Variants in FUT8 observed in about 807,000 individuals in gnomAD.
FUT8 encodes the protein fucosyltransferase 8, also known as alpha-(1,6)-fucosyltransferase.
Under a neutral mutation model 71.3 loss-of-function variants are expected in FUT8, and 29 were observed. The observed-to-expected ratio is 0.41, with a 90% CI of 0.30 to 0.55. The LOEUF (loss-of-function observed/expected upper bound fraction) is 0.55, where lower values mean the gene tolerates loss of function less well. FUT8 is among the 20% of genes least tolerant of loss of function. The pLI, the probability that FUT8 is intolerant of heterozygous loss-of-function variation, is 0.34. For synonymous variants in FUT8, 254 were observed against 239.3 expected, an observed-to-expected ratio of 1.06 and a Z score of -0.57; for missense variants, 544 against 702.1, an observed-to-expected ratio of 0.77 and a Z score of 2.55.
chr14:65,640,470 A>G (rs1478417296), intron 6 of FUT8, among the ~76,000 whole-genome samples: 2 of 152,128 alleles, frequency 1.3e-5, no homozygotes, highest in Non-Finnish European at 2.9e-5. Flanking sequence ...TTGTTATTTA[A>G]TGCCTTCCTA....
At chr14:65,702,939 G>A (rs1052874905) in intron 7 of FUT8, among the ~76,000 whole-genome samples, 1 of 152,122 alleles carries the variant, frequency 6.6e-6, no homozygotes, top group Non-Finnish European at 1.5e-5. Flanking sequence ...TAGAAACAGG[G>A]TTTCACCCTG....
At chr14:65,504,909 G>GCCGGGCTGC (rs2066703124) in intron 2 of FUT8, among the ~76,000 whole-genome samples, 1 of 152,190 alleles carries the variant, frequency 6.6e-6, no homozygotes, top group Non-Finnish European at 1.5e-5. Flanking sequence ...GCCATTGCAC[G>GCCGGGCTGC]CCGGGCTGGG....
At chr14:65,737,820 C>T (rs530374565) in intron 10 of FUT8, among the ~76,000 whole-genome samples, 1 of 152,202 alleles carries the variant, frequency 6.6e-6, no homozygotes, top group African/African-American at 2.4e-5. Flanking sequence ...TTACAATACT[C>T]TCATGAGCCT....
intron 2 of FUT8, among the ~76,000 whole-genome samples, chr14:65,538,883 T>A (rs1280995792): frequency 1.3e-5 from 2 of 152,126 alleles, no homozygotes; most frequent in East Asian, 3.9e-4. Context: ...ATCGCGCCAT[T>A]GCACTCCAGC....
intron 3 of FUT8, among the ~76,000 whole-genome samples, chr14:65,597,010 A>G (rs1888016067): frequency 6.6e-6 from 1 of 152,218 alleles, no homozygotes. Flanking sequence ...ATAGAACACA[A>G]TAAATAATTT....
chr14:65,526,130 T>C (rs895839750), intron 2 of FUT8, among the ~76,000 whole-genome samples: 1 of 152,200 alleles, frequency 6.6e-6, no homozygotes, highest in African/African-American at 2.4e-5. Context: ...TAACTTTCTG[T>C]CTCATTGATC....
chr14:65,528,327 T>C (rs576526497), intron 2 of FUT8, among the ~76,000 whole-genome samples: 1 of 152,340 alleles, frequency 6.6e-6, no homozygotes, highest in South Asian at 2.1e-4. Context: ...CAAGGCTCCG[T>C]GGACATGGGA....
Position 65,523,614 on chromosome 14 carries a change from A to G in FUT8, c.-227-37723A>G, listed in dbSNP as rs911507181. On this transcript the variant is annotated intron_variant, in intron 2 of 10. Transcript: ENST00000673929. ...TTTGTCAATTTTGGCTTTTGTTGCC[A>G]TTGCTTTTGGTGTTTCAGAATGAAG... Among the ~76,000 whole-genome samples the G allele has an allele frequency of 5.3e-5, 8 of 152,260 alleles. No individual in the cohort carries two copies. The East Asian group carries it at 1.3e-3, about 26-fold the overall frequency.
At chr14:65,549,369 T>C (rs894667615) in intron 2 of FUT8, among the ~76,000 whole-genome samples, 5 of 152,116 alleles carry the variant, frequency 3.3e-5, no homozygotes, top group Non-Finnish European at 1.5e-5. Context: ...CTAGATTGTA[T>C]TTTTTTCTGA....
chr14:65,594,726 T>C (rs1439363025), intron 3 of FUT8, among the ~76,000 whole-genome samples: 2 of 152,112 alleles, frequency 1.3e-5, no homozygotes, highest in African/African-American at 4.8e-5. Context: ...GAAGGGCAGG[T>C]TGCTCTCCCC....
intron 9 of FUT8, among the ~76,000 whole-genome samples, chr14:65,731,135 A>G (rs1243926884): frequency 6.6e-6 from 1 of 152,250 alleles, no homozygotes; most frequent in East Asian, 1.9e-4. Context: ...ACAGAGCACT[A>G]GGAATACAAA....
intron 2 of FUT8, among the ~76,000 whole-genome samples, chr14:65,526,851 G>C (rs1393232254): frequency 6.6e-6 from 1 of 152,114 alleles, no homozygotes; most frequent in African/African-American, 2.4e-5. Flanking sequence ...TGAAATTCTG[G>C]GTTGAAAATT....
At chr14:65,393,992 T>C in the FUT8 span, among the ~76,000 whole-genome samples, 83 of 152,254 alleles carry the variant, frequency 5.5e-4, no homozygotes, top group South Asian at 0.017. Flanking sequence ...GTTTTGCTCT[T>C]GTTGTCCAGG....
At chr14:65,476,495 G>A (rs2066242154) in intron 2 of FUT8, among the ~76,000 whole-genome samples, 2 of 152,300 alleles carry the variant, frequency 1.3e-5, no homozygotes, top group East Asian at 3.9e-4. Context: ...TGCTTAGTGT[G>A]TTAAGTACAA....
At chr14:65,619,370 T>A (rs1889481106) in intron 5 of FUT8, among the ~76,000 whole-genome samples, 1 of 152,132 alleles carries the variant, frequency 6.6e-6, no homozygotes, top group Non-Finnish European at 1.5e-5. Flanking sequence ...TGAAGCTGTT[T>A]CCTAGTAGTC....
intron 7 of FUT8, among the ~76,000 whole-genome samples, chr14:65,672,141 G>A (rs914641936): frequency 8.5e-5 from 13 of 152,164 alleles, no homozygotes; most frequent in Non-Finnish European, 1.5e-5. Context: ...TTATGTTTGT[G>A]TGTGAAACTA....
the FUT8 span, among the ~76,000 whole-genome samples, chr14:65,392,862 C>T: frequency 2.6e-5 from 4 of 152,142 alleles, no homozygotes; most frequent in Non-Finnish European, 5.9e-5. Flanking sequence ...ATGCAGAACA[C>T]CCAGTTAAAT....
chr14:65,650,759 A>G (rs1039706598), intron 6 of FUT8, among the ~76,000 whole-genome samples: 2 of 149,814 alleles, frequency 1.3e-5, no homozygotes, highest in Non-Finnish European at 3.0e-5. Flanking sequence ...GTAATTTCCT[A>G]TTTTTTGTGT....
At chr14:65,380,223 G>C in the FUT8 span, among the ~76,000 whole-genome samples, 9 of 152,176 alleles carry the variant, frequency 5.9e-5, no homozygotes, top group Non-Finnish European at 1.3e-4. Context: ...AGAGAAAAAT[G>C]AGGAAGGAGC....
Sources: gnomAD v4.1 joint callset for allele counts (sites outside exome capture counted in the v4.1 genomes callset) on GRCh38, gnomAD v4.1.1 for gene constraint, MANE v1.5 for transcripts, NCBI Gene and HGNC (gene_info 2026-07-23, HGNC 2026-07-21) for gene names.